The following KMT2C variants were observed in gnomAD, a reference collection of about 807,000 sequenced individuals.
The protein encoded by KMT2C is histone-lysine N-methyltransferase 2C.
Under a neutral mutation model 507.9 loss-of-function variants are expected in KMT2C, and 88 were observed. The ratio of observed to expected loss-of-function variants is 0.17; its 90% CI spans 0.15 to 0.21. The LOEUF (loss-of-function observed/expected upper bound fraction) is 0.21, where lower values mean the gene tolerates loss of function less well. KMT2C is among the 10% of genes least tolerant of loss of function. KMT2C has a pLI of 1.00. For synonymous variants in KMT2C, 2,049 were observed against 2,080.8 expected, an observed-to-expected ratio of 0.98 and a Z score of 0.42; for missense variants, 4,954 against 5,957.8, an observed-to-expected ratio of 0.83 and a Z score of 5.55.
At chr7:152,284,307 A>G (rs2096264349) in intron 6 of KMT2C, among the ~76,000 whole-genome samples, 1 of 152,158 alleles carries the variant, frequency 6.6e-6, no homozygotes, top group South Asian at 2.1e-4. Context: ...TCACTTTTCC[A>G]TATTCAATTA....
Position 152,138,815 on chromosome 7 carries a change from C to T in KMT2C, c.14624G>A (p.Arg4875Lys), listed in dbSNP as rs770959288. The change falls in exon 58 of 59, where the codon AGA (arginine) becomes AAA (lysine). Residue 4875 changes from arginine to lysine, a missense_variant. Transcript: ENST00000262189. This position sits in a 1 kb window ranked among gnomAD's most constrained non-coding sequence, Gnocchi z 4.2. The stretch of plus-strand genomic sequence containing the variant: ...TCTTACCTCTTCTCCTTTCTGGATT[C>T]TCCGACTGGAGCTGATGATAATTTT... Reference protein sequence around the residue: ...GHKIIISSSRRIQKGEELCYD... With the variant: ...GHKIIISSSRKIQKGEELCYD... 3.1e-6 allele frequency: 5 copies of T among 1,606,794 alleles called. No homozygotes were observed. In the African/African-American group the frequency reaches 6.7e-5, roughly 22 times the overall value.
In KMT2C at chr7:152,144,725, C is replaced by A; in HGVS notation, c.14331G>T (p.Arg4777=). 6.2e-7 allele frequency: 1 copy of A among 1,613,800 alleles called. No individual in the cohort carries two copies. Among genetic ancestry groups the A allele is most frequent in the Non-Finnish European group, 8.5e-7 (1 of 1,179,752 alleles). The part of the protein sequence containing the change: ...TEWKSNVYLA[R]SRIQGLGLYA... ...AGTATTTCTTCACCTGAATCCGAGA[C>A]CGTGCCAGATACACATTGGATTTCC... Residue 4777 remains arginine (R), a synonymous_variant, in exon 55 of 59, where the codon CGG becomes CGT. Transcript: ENST00000262189. This position sits in a 1 kb window ranked among gnomAD's most constrained non-coding sequence, Gnocchi z 4.4.
chr7:152,399,384 A>T (rs1028783557), intron 1 of KMT2C, among the ~76,000 whole-genome samples: 7 of 152,192 alleles, frequency 4.6e-5, no homozygotes, highest in Non-Finnish European at 1.0e-4. Context: ...AATTATTATT[A>T]AAAAACAAAG....
At chr7:152,226,009 G>A (rs2094918582) in intron 18 of KMT2C, among the ~76,000 whole-genome samples, 1 of 152,106 alleles carries the variant, frequency 6.6e-6, no homozygotes, top group African/African-American at 2.4e-5. Flanking sequence ...TATATTGGGA[G>A]AAGGATGGAG....
intron 1 of KMT2C, among the ~76,000 whole-genome samples, chr7:152,409,106 C>CT (rs1482265031): frequency 2.0e-5 from 3 of 151,932 alleles, no homozygotes; most frequent in African/African-American, 7.3e-5. Context: ...GGAGCTCAAC[C>CT]TGATCCTTCC....
At chr7:152,368,367 GGAA>G (rs1210402695) in intron 1 of KMT2C, 5 of 1,122,072 alleles carry the variant, frequency 4.5e-6, no homozygotes, top group South Asian at 1.3e-5. Context: ...TGGCACAAAT[GGAA>G]GAAGAAAGAA....
chr7:152,342,697 TCATCGTGGGGCCCCACGG>T lies in KMT2C; in HGVS notation c.251-11976_251-11959del, dbSNP rs561881447. ...AGATACAAACTACAGAGGGACCCAGTCATCGTGGGGCCCCACGGTTTTGTGTTTTACCTCTAGGAGCTC... is the reference window on the plus strand; with the variant it reads ...AGATACAAACTACAGAGGGACCCAGTTTTTGTGTTTTACCTCTAGGAGCTC... On this transcript the variant is annotated intron_variant, in intron 2 of 58. Transcript: ENST00000262189. 4.7e-4 allele frequency among the ~76,000 whole-genome samples: 71 copies of T among 152,318 alleles called. 1 individual carries two copies. The East Asian group carries it at 7.7e-3, about 17-fold the overall frequency.
chr7:152,197,286 GA>G (rs966703143), intron 27 of KMT2C, among the ~76,000 whole-genome samples: 1 of 152,184 alleles, frequency 6.6e-6, no homozygotes, highest in Admixed American at 6.5e-5. Flanking sequence ...GCTTAACCAA[GA>G]AACTATTGGA....
At chr7:152,221,491 A>T (rs1588338670) in intron 22 of KMT2C, among the ~76,000 whole-genome samples, 1 of 152,336 alleles carries the variant, frequency 6.6e-6, no homozygotes, top group Middle Eastern at 3.4e-3. Context: ...AATCCTGCAG[A>T]TTTAATTTTA....
At chr7:152,294,133 G>C (rs2096463879) in intron 6 of KMT2C, among the ~76,000 whole-genome samples, 1 of 151,156 alleles carries the variant, frequency 6.6e-6, no homozygotes, top group African/African-American at 2.4e-5. Flanking sequence ...GCCTCCCAAA[G>C]TGCTGGGATT....
At chr7:152,387,967 C>T (rs2116520564) in intron 1 of KMT2C, among the ~76,000 whole-genome samples, 1 of 151,576 alleles carries the variant, frequency 6.6e-6, no homozygotes, top group Non-Finnish European at 1.5e-5. Flanking sequence ...GCACATATAC[C>T]TTTAGAATAA....
intron 7 of KMT2C, among the ~76,000 whole-genome samples, chr7:152,272,505 T>TAGG (rs986543869): frequency 3.3e-5 from 5 of 152,252 alleles, no homozygotes; most frequent in Non-Finnish European, 7.4e-5. Context: ...TCCACTCTGA[T>TAGG]AACTGCCAGT....
In KMT2C at chr7:152,181,612, T is replaced by C; in HGVS notation, c.6248A>G (p.Asp2083Gly). 6.2e-7 allele frequency: 1 copy of C among 1,614,044 alleles called. No individual in the cohort carries two copies. Among genetic ancestry groups the C allele is most frequent in the East Asian group, 2.2e-5 (1 of 44,860 alleles). Residue 2083 changes from aspartate (D) to glycine (G), a missense_variant, in exon 36 of 59, where the codon GAT becomes GGT. Coordinates refer to ENST00000262189, the MANE Select transcript of KMT2C (RefSeq NM_170606.3). ...ERPALTPRPI[D>G]NFSHNQSNDP... ...ATTTGACTGATTATGAGAAAAATTA[T>C]CTATAGGTCTTGGTGTCAAAGCAGG...
At chr7:152,348,599 T>TAAAAAAAAAAAAAAAAAAAAAAA (rs201530125) in intron 2 of KMT2C, among the ~76,000 whole-genome samples, 6 of 48,998 alleles carry the variant, frequency 1.2e-4, no homozygotes, top group Non-Finnish European at 1.8e-4. Context: ...AACTCTGTCT[T>TAAAAAAAAAAAAAAAAAAAAAAA]AAAAAAAAAA....
chr7:152,360,741 C>T (rs571694269), intron 1 of KMT2C, among the ~76,000 whole-genome samples: 3 of 151,014 alleles, frequency 2.0e-5, no homozygotes, highest in Non-Finnish European at 3.0e-5. Context: ...CCCAGCTACT[C>T]GAGAGGCTAA....
chr7:152,171,376 G>C (rs370516840), intron 39 of KMT2C, 34 bp from the exon 40 acceptor site: 1 of 1,363,632 alleles, frequency 7.3e-7, no homozygotes, highest in Non-Finnish European at 1.0e-6. Context: ...ATCAAGTGAT[G>C]AGCGTTTAGA....
chr7:152,252,757 C>T (rs2095581178), intron 9 of KMT2C, 42 bp from the exon 10 acceptor site: 3 of 1,415,996 alleles, frequency 2.1e-6, no homozygotes, highest in Admixed American at 1.9e-5. Flanking sequence ...GTTTGTTATG[C>T]ATTTGTAATT....
chr7:152,374,603 AAACTG>A (rs2097314599), intron 1 of KMT2C, among the ~76,000 whole-genome samples: 1 of 152,118 alleles, frequency 6.6e-6, no homozygotes, highest in Non-Finnish European at 1.5e-5. Flanking sequence ...GTAGGAGTGT[AAACTG>A]AACAATCAGG....
intron 14 of KMT2C, among the ~76,000 whole-genome samples, chr7:152,242,516 C>A (rs2095405901): frequency 6.6e-6 from 1 of 152,048 alleles, no homozygotes. Flanking sequence ...TCAAATACTA[C>A]AGAAACTAAA....
Sources: gnomAD v4.1 joint callset for allele counts (sites outside exome capture counted in the v4.1 genomes callset) on GRCh38, gnomAD v4.1.1 for gene constraint, Gnocchi (gnomAD v3.1) non-coding constraint, MANE v1.5 for transcripts, NCBI Gene and HGNC (gene_info 2026-07-23, HGNC 2026-07-21) for gene names.